Variants in LRP11 observed in about 807,000 individuals in gnomAD.
LRP11 encodes low-density lipoprotein receptor-related protein 11.
A neutral mutation model predicts 43.1 loss-of-function variants in LRP11; 25 were observed. The observed-to-expected ratio is 0.58, with a 90% confidence interval of 0.42 to 0.81. LRP11 has a LOEUF of 0.81. LRP11 is among the 30% of genes least tolerant of loss of function. The pLI is 0.00. For synonymous variants in LRP11, 316 were observed against 299.4 expected (o/e 1.06, Z -0.57); for missense variants, 623 against 665.1 (o/e 0.94, Z 0.70).
chr6:149,842,934 C>CA, intron 3 of LRP11, 49 bp downstream of exon 3: 2 of 1,609,572 alleles, frequency 1.2e-6, no homozygotes, highest in African/African-American at 2.7e-5. Flanking sequence ...GCCAACCCGA[C>CA]ATTGCCTTCC....
At chr6:149,847,880 T>C (rs6942150) in intron 2 of LRP11, among the ~76,000 whole-genome samples, 2 of 130,220 alleles carry the variant, frequency 1.5e-5, no homozygotes, top group African/African-American at 6.1e-5. Flanking sequence ...CACACACACA[T>C]TGTATATACT....
chr6:149,830,642 G>A (rs1776396974), intron 5 of LRP11, among the ~76,000 whole-genome samples: 1 of 152,202 alleles, frequency 6.6e-6, no homozygotes, highest in Non-Finnish European at 1.5e-5. Flanking sequence ...GTGGGTTCAT[G>A]TAAAAAACTA....
At chr6:149,837,748 T>C (rs1176852047) in intron 3 of LRP11, among the ~76,000 whole-genome samples, 1 of 152,118 alleles carries the variant, frequency 6.6e-6, no homozygotes, top group Non-Finnish European at 1.5e-5. Context: ...CCCAGGTCTC[T>C]CTCCACCCTT....
At position 149,836,288 on chromosome 6, in the gene LRP11, T is replaced by A. The variant is rs1776470669; in HGVS notation, c.1049A>T (p.Asp350Val). The change falls in exon 5 of 7, where the codon GAC becomes GTC. Residue 350 changes from aspartate to valine, a missense_variant. Coordinates refer to ENST00000239367, the MANE Select transcript of LRP11 (RefSeq NM_032832.6). ...DEDFCQNLGL[D>V]RKMVTHTAAS... ...TGCCGTGTGGGTTACCATCTTGCGG[T>A]CCAGGCCCACTGAAGTGTGGAAGAG... 1 of 1,614,014 alleles carries A rather than the reference T, an allele frequency of 6.2e-7. No homozygotes were observed.
intron 2 of LRP11, among the ~76,000 whole-genome samples, chr6:149,846,426 C>T (rs1776633691): frequency 6.6e-6 from 1 of 152,198 alleles, no homozygotes; most frequent in Non-Finnish European, 1.5e-5. Context: ...AAGAAAGCTG[C>T]TCTGTCCCAG....
At chr6:149,821,208 C>T (rs947678179) in intron 6 of LRP11, among the ~76,000 whole-genome samples, 3 of 152,108 alleles carry the variant, frequency 2.0e-5, no homozygotes, top group South Asian at 2.1e-4. Flanking sequence ...GGATTACAGG[C>T]GTGAGCCACC....
chr6:149,824,796 GC>G (rs1163995571), intron 6 of LRP11, among the ~76,000 whole-genome samples: 6 of 152,332 alleles, frequency 3.9e-5, no homozygotes, highest in African/African-American at 1.4e-4. Context: ...GGAAGCAGAG[GC>G]TGCAGTGAGC....
chr6:149,826,974 C>CTTTT (rs35335842), intron 5 of LRP11, among the ~76,000 whole-genome samples: 1 of 143,828 alleles, frequency 7.0e-6, no homozygotes, highest in Non-Finnish European at 1.5e-5. Context: ...TATTTATTTA[C>CTTTT]TTTTTTTTTT....
chr6:149,840,621 C>A (rs890002219), intron 3 of LRP11, among the ~76,000 whole-genome samples: 1 of 152,152 alleles, frequency 6.6e-6, no homozygotes, highest in African/African-American at 2.4e-5. Flanking sequence ...TTCAGCTGTA[C>A]AAGAGCAATC....
chr6:149,836,619 C>T (rs1161352396), intron 4 of LRP11, among the ~76,000 whole-genome samples: 1 of 152,108 alleles, frequency 6.6e-6, no homozygotes, highest in Non-Finnish European at 1.5e-5. Context: ...CGTGACCAGC[C>T]TGGGCAACAA....
intron 2 of LRP11, among the ~76,000 whole-genome samples, 197 bp downstream of exon 2, chr6:149,852,806 G>C (rs1246212980): frequency 2.0e-5 from 3 of 146,688 alleles, no homozygotes; most frequent in Non-Finnish European, 4.5e-5. Context: ...CAAGACAAAT[G>C]ATCGAGATTG....
chr6:149,820,634 A>C lies in LRP11; in HGVS notation c.1418T>G (p.Leu473Arg), dbSNP rs375491317. 3.8e-6 allele frequency: 3 copies of C among 780,934 alleles called. No homozygotes were observed. Among genetic ancestry groups the C allele is most frequent in the Non-Finnish European group, 7.2e-6 (3 of 418,126 alleles). 48.4% of individuals were successfully genotyped at this position (780,934 alleles called of 1,614,324 possible). The stretch of plus-strand genomic sequence containing the variant: ...TTTCAGTTTCTGTTTCACCAGTCGT[A>C]GTCGGCATGCAACCATGAGAAGCAG... ...ALLLLMVACRLRLVKQKLKKA... is the reference protein window; with the variant it reads ...ALLLLMVACRRRLVKQKLKKA... The change falls in exon 7 of 7, where the codon CTA (leucine) becomes CGA (arginine). Residue 473 changes from leucine to arginine, a missense_variant. Coordinates refer to ENST00000239367, the MANE Select transcript of LRP11 (RefSeq NM_032832.6).
chr6:149,844,063 G>T (rs1381190812), intron 2 of LRP11, among the ~76,000 whole-genome samples: 1 of 152,108 alleles, frequency 6.6e-6, no homozygotes, highest in Non-Finnish European at 1.5e-5. Context: ...GACCATCTTG[G>T]CCAACATGGT....
intron 1 of LRP11, among the ~76,000 whole-genome samples, chr6:149,857,119 A>C (rs1440352330): frequency 2.0e-5 from 3 of 152,234 alleles, no homozygotes; most frequent in African/African-American, 7.2e-5. Context: ...TGAGAAAATT[A>C]TAACAGTGAA....
chr6:149,819,325 T>A lies in LRP11; in HGVS notation c.*1224A>T, dbSNP rs1776249100. 6.6e-6 allele frequency: 1 copy of A among 152,122 alleles called. No individual in the cohort carries two copies. Among genetic ancestry groups the A allele is most frequent in the South Asian group, 2.1e-4 (1 of 4,832 alleles). The allele number at this position is 152,122 out of a possible 1,614,324, so 9.4% of individuals were successfully genotyped here. ...CACTTATGGTTAAAAAAAACGTGAA[T>A]AAGAATATCATGTGAGTGTAGATAG... is the stretch of plus-strand genomic sequence containing the variant. On this transcript the variant is annotated 3_prime_UTR_variant, in exon 7 of 7. Transcript: ENST00000239367.
chr6:149,838,663 C>T lies in LRP11; in HGVS notation c.914-1200G>A, dbSNP rs547619617. ...TTGTGACACTGCACTCCAGCCTGGG[C>T]GACAGAGGGAGACTCTGTCTCAAAA... On this transcript the variant is annotated intron_variant, in intron 3 of 6. Coordinates refer to ENST00000239367, the MANE Select transcript of LRP11 (RefSeq NM_032832.6). 8.9e-5 allele frequency among the ~76,000 whole-genome samples: 13 copies of T among 146,124 alleles called. No individual in the cohort carries two copies. In the South Asian group the frequency reaches 2.0e-3, roughly 22 times the overall value.
At chr6:149,841,673 G>T in intron 3 of LRP11, among the ~76,000 whole-genome samples, 1 of 152,202 alleles carries the variant, frequency 6.6e-6, no homozygotes, top group East Asian at 1.9e-4. Flanking sequence ...AGTGCTTCGG[G>T]AGGCTGAGGC....
intron 5 of LRP11, among the ~76,000 whole-genome samples, chr6:149,832,191 C>CTTTTTT (rs5880854): frequency 5.4e-5 from 7 of 130,138 alleles, no homozygotes; most frequent in African/African-American, 1.5e-4. Flanking sequence ...TGAGCTAAGT[C>CTTTTTT]TTTTTTTTTT....
intron 6 of LRP11, 109 bp downstream of exon 6, chr6:149,826,155 G>A: frequency 4.8e-6 from 4 of 841,230 alleles, no homozygotes; most frequent in Non-Finnish European, 4.2e-6. Flanking sequence ...TCCACTGACG[G>A]ACTCCTCCTG....
Sources: gnomAD v4.1 joint callset for allele counts (sites outside exome capture counted in the v4.1 genomes callset) on GRCh38, gnomAD v4.1.1 for gene constraint, MANE v1.5 for transcripts, NCBI Gene and HGNC (gene_info 2026-07-23, HGNC 2026-07-21) for gene names.